The following GEN1 variants were observed in gnomAD, a reference collection of about 807,000 sequenced individuals.
GEN1 encodes the protein GEN1 structure-specific endonuclease.
A neutral mutation model predicts 67.6 loss-of-function variants in GEN1; 64 were observed. The ratio of observed to expected loss-of-function variants is 0.95; its 90% CI spans 0.77 to 1.17. GEN1 has a LOEUF of 1.17. Among genes scored for constraint, GEN1 ranks in the 50% most tolerant of loss-of-function variants. The pLI, the probability that GEN1 is intolerant of heterozygous loss-of-function variation, is 0.00. For synonymous variants in GEN1, 371 were observed against 359.4 expected (o/e 1.03, Z -0.37); for missense variants, 1,058 against 1,048.3 (o/e 1.01, Z -0.13).
chr2:17,771,134 G>A, intron 6 of GEN1, 62 bp from the exon 7 acceptor site: 1 of 925,458 alleles, frequency 1.1e-6, no homozygotes, highest in East Asian at 2.4e-5. Flanking sequence ...TGATATTTGA[G>A]AACATACCGT....
Position 17,754,155 on chromosome 2 carries a change from T to A in GEN1, c.-206T>A, listed in dbSNP as rs1229881575. ...GGCCCGGCGCTGGATTCGAAACGCTTCCTGGTGCTCCTGGGCCTGGCGGTT... is the reference window on the plus strand; with the variant it reads ...GGCCCGGCGCTGGATTCGAAACGCTACCTGGTGCTCCTGGGCCTGGCGGTT... On this transcript the variant is annotated 5_prime_UTR_variant, in exon 1 of 14. Transcript: ENST00000381254. 2 of 151,640 alleles carry A rather than the reference T, an allele frequency of 1.3e-5. No individual in the cohort carries two copies. The highest frequency in any genetic ancestry group is 4.9e-5 in the African/African-American group (2 of 41,224). The allele number at this position is 151,640 out of a possible 1,614,324, so 9.4% of individuals were successfully genotyped here.
At chr2:17,770,847 T>G (rs1370174219) in intron 6 of GEN1, among the ~76,000 whole-genome samples, 14 of 151,478 alleles carry the variant, frequency 9.2e-5, no homozygotes, top group Non-Finnish European at 1.5e-5. Flanking sequence ...GTCAGTCTGC[T>G]CACATACTGC....
At chr2:17,757,655 A>G (rs1337119779) in intron 1 of GEN1, among the ~76,000 whole-genome samples, 3 of 152,208 alleles carry the variant, frequency 2.0e-5, no homozygotes, top group Non-Finnish European at 4.4e-5. Context: ...AGGAAACCAG[A>G]AAATGTGAAT....
chr2:17,760,676 C>G (rs535471745), intron 2 of GEN1, among the ~76,000 whole-genome samples: 4 of 152,134 alleles, frequency 2.6e-5, no homozygotes, highest in Admixed American at 1.3e-4. Context: ...AATCCCAGCA[C>G]TTTGGGAGGC....
chr2:17,768,653 T>TC (rs1672039774), intron 5 of GEN1, 85 bp from the exon 6 acceptor site: 6 of 960,472 alleles, frequency 6.2e-6, no homozygotes, highest in Admixed American at 2.0e-5. Flanking sequence ...TTCTTTCAGC[T>TC]GCTGACTCTT....
rs1188443066 is a variant in GEN1, at chr2:17,754,238, T to TC, written c.-121dup. On this transcript the variant is annotated 5_prime_UTR_variant, in exon 1 of 14. Transcript: ENST00000381254. ...GAAAGAGGACTTTCCTTTTTTTTTT[T>TC]CCTTTTGAGAAAATTCAGAAATTTG... 2 of 151,612 alleles carry TC rather than the reference T, an allele frequency of 1.3e-5. No individual in the cohort carries two copies. Among genetic ancestry groups the TC allele is most frequent in the Non-Finnish European group, 2.9e-5 (2 of 68,044 alleles). The allele number at this position is 151,612 out of a possible 1,614,324, so 9.4% of individuals were successfully genotyped here.
intron 11 of GEN1, among the ~76,000 whole-genome samples, chr2:17,774,940 G>C (rs2125153257): frequency 6.6e-6 from 1 of 152,190 alleles, no homozygotes; most frequent in East Asian, 1.9e-4. Flanking sequence ...AGCCCAGAAA[G>C]CCCACTGGAA....
At chr2:17,767,303 CT>C (rs1216440314) in intron 5 of GEN1, among the ~76,000 whole-genome samples, 1 of 152,116 alleles carries the variant, frequency 6.6e-6, no homozygotes, top group African/African-American at 2.4e-5. Context: ...TAGAAAATGA[CT>C]GGTATTGTAG....
At position 17,782,038 on chromosome 2, in the gene GEN1, T is replaced by C. The variant is rs1039804338; in HGVS notation, c.*99T>C. On this transcript the variant is annotated 3_prime_UTR_variant, in exon 14 of 14. Coordinates refer to ENST00000381254, the MANE Select transcript of GEN1 (RefSeq NM_001130009.3). ...AGTTCATGTGTGGTAAAAATTTTAA[T>C]GTTCTCTGTGTCATGAAACACTTGC... 1 of 648,156 alleles carries C rather than the reference T, an allele frequency of 1.5e-6. No homozygotes were observed. The highest frequency in any genetic ancestry group is 2.6e-6 in the Non-Finnish European group (1 of 386,072). The allele number at this position is 648,156 out of a possible 1,614,324, so 40.2% of individuals were successfully genotyped here.
intron 5 of GEN1, among the ~76,000 whole-genome samples, chr2:17,768,224 A>G (rs563445106): frequency 6.6e-6 from 1 of 152,248 alleles, no homozygotes; most frequent in Non-Finnish European, 1.5e-5. Flanking sequence ...AAGGCATATC[A>G]TTTTCGTATA....
chr2:17,767,722 TTTAAATTATGCATTAGCCATAGCTATA>T (rs1348673384), intron 5 of GEN1, among the ~76,000 whole-genome samples: 1 of 152,250 alleles, frequency 6.6e-6, no homozygotes, highest in African/African-American at 2.4e-5. Flanking sequence ...TACAGTGGTA[TTTAAATTATGCATTAGCCATAGCTATA>T]TTGACCTTTT....
chr2:17,758,882 A>T (rs1558394400), intron 1 of GEN1, among the ~76,000 whole-genome samples: 1 of 151,912 alleles, frequency 6.6e-6, no homozygotes, highest in African/African-American at 2.4e-5. Flanking sequence ...AATAATACTT[A>T]TGGCAGCACT....
At chr2:17,768,637 A>C in intron 5 of GEN1, 101 bp from the exon 6 acceptor site, 1 of 801,604 alleles carries the variant, frequency 1.2e-6, no homozygotes, top group Middle Eastern at 2.5e-4. Flanking sequence ...TTGAAGAGTT[A>C]CCTCATTCTT....
Position 17,780,739 on chromosome 2 carries a change from G to T in GEN1, c.1527G>T (p.Ser509=). The change falls in exon 14 of 14, where the codon TCG becomes TCT. Residue 509 remains serine (S), a synonymous_variant. Transcript: ENST00000381254. ...IFHKQNSKLN[S]GISPDPTLPQ... ...ATAAGCAGAATTCCAAGTTAAATTCGGGGATTTCCCCTGATCCTACATTAC... is the reference window on the plus strand; with the variant it reads ...ATAAGCAGAATTCCAAGTTAAATTCTGGGATTTCCCCTGATCCTACATTAC... 1 of 1,613,828 alleles carries T rather than the reference G, an allele frequency of 6.2e-7. No individual in the cohort carries two copies.
chr2:17,780,181 C>G, intron 13 of GEN1, 60 bp downstream of exon 13: 3 of 1,352,676 alleles, frequency 2.2e-6, no homozygotes, highest in Non-Finnish European at 3.1e-6. Context: ...AGAGCCACCT[C>G]TTCTGTTTGA....
chr2:17,780,427 T>G (rs1266869681), intron 13 of GEN1, among the ~76,000 whole-genome samples, 194 bp from the exon 14 acceptor site: 2 of 152,320 alleles, frequency 1.3e-5, no homozygotes, highest in African/African-American at 4.8e-5. Context: ...TTCCCAGAAC[T>G]CAGTGAGGAA....
chr2:17,774,580 T>C (rs1672342283), intron 11 of GEN1, 179 bp downstream of exon 11: 2 of 344,502 alleles, frequency 5.8e-6, no homozygotes, highest in East Asian at 9.8e-5. Flanking sequence ...TTATCATACT[T>C]TTCTACTTCA....
chr2:17,773,474 C>G (rs1423088212), intron 10 of GEN1, among the ~76,000 whole-genome samples, 175 bp downstream of exon 10: 1 of 152,024 alleles, frequency 6.6e-6, no homozygotes, highest in East Asian at 1.9e-4. Flanking sequence ...TCTTTGCACA[C>G]TATAAGACAA....
intron 1 of GEN1, 122 bp from the exon 2 acceptor site, chr2:17,759,807 G>T (rs1444515635): frequency 1.3e-6 from 1 of 778,222 alleles, no homozygotes; most frequent in East Asian, 2.8e-5. Context: ...GCTGACTGAT[G>T]AAAAAAATAA....
Sources: allele counts gnomAD v4.1 joint callset (sites outside exome capture counted in the v4.1 genomes callset), GRCh38; gene constraint gnomAD v4.1.1; transcripts MANE v1.5; gene names NCBI Gene and HGNC (gene_info 2026-07-23, HGNC 2026-07-21).